The following MINAR1 variants were observed in gnomAD, a reference collection of about 807,000 sequenced individuals.
MINAR1 encodes membrane integral NOTCH2 associated receptor 1, also known as major intrinsically disordered Notch2-binding receptor 1.
MINAR1 carries 40 observed loss-of-function variants against 65.1 expected under a neutral mutation model. That is an observed-to-expected ratio of 0.61 (90% CI 0.48 to 0.80). The LOEUF (loss-of-function observed/expected upper bound fraction) is 0.80, where lower values mean the gene tolerates loss of function less well. MINAR1 is among the 30% of genes least tolerant of loss of function. MINAR1 has a pLI of 0.00. For synonymous variants in MINAR1, 482 were observed against 449.1 expected (o/e 1.07, Z -0.93); for missense variants, 1,128 against 1,148.0 (o/e 0.98, Z 0.25).
At chr15:79,466,275 T>C (rs1203762639) in intron 3 of MINAR1, among the ~76,000 whole-genome samples, 1 of 152,160 alleles carries the variant, frequency 6.6e-6, no homozygotes, top group Non-Finnish European at 1.5e-5. Flanking sequence ...CCCTTCTCTT[T>C]CCATTGTAGT....
chr15:79,422,902 G>A, the MINAR1 span: 81 of 152,284 alleles, frequency 5.3e-4, no homozygotes, highest in African/African-American at 1.8e-3. Flanking sequence ...TAACCTCAAG[G>A]GAAGGTAAAA....
At chr15:79,441,586 T>C (rs1414324700) in intron 1 of MINAR1, among the ~76,000 whole-genome samples, 1 of 152,150 alleles carries the variant, frequency 6.6e-6, no homozygotes, top group African/African-American at 2.4e-5. Flanking sequence ...TACTTAGAAG[T>C]GTGGATTTGC....
chr15:79,467,886 T>G (rs1170465670), intron 3 of MINAR1, among the ~76,000 whole-genome samples: 1 of 152,182 alleles, frequency 6.6e-6, no homozygotes, highest in Non-Finnish European at 1.5e-5. Context: ...CCTTGAAGTT[T>G]GGAGTCTTGC....
At chr15:79,421,241 G>A in the MINAR1 span, 1 of 152,152 alleles carries the variant, frequency 6.6e-6, no homozygotes, top group South Asian at 2.1e-4. Context: ...GAAAGTTTCT[G>A]AATACTTACC....
Position 79,456,961 on chromosome 15 carries a change from C to T in MINAR1, c.814C>T (p.Pro272Ser), listed in dbSNP as rs745398118. Residue 272 changes from proline (P) to serine (S), a missense_variant, in exon 2 of 4, where the codon CCC (proline) becomes TCC (serine). Physicochemically the swap from Pro to Ser is moderately conservative, Grantham distance 74. Transcript: ENST00000305428. ...EDFHNLMAVS[P>S]SLVGPISKAE... ...TTTTCACAATTTGATGGCAGTGTCC[C>T]CCAGTTTGGTTGGCCCCATCAGCAA... 5 of 1,614,078 alleles carry T rather than the reference C, an allele frequency of 3.1e-6. No homozygotes were observed. The highest frequency in any genetic ancestry group is 3.4e-6 in the Non-Finnish European group (4 of 1,180,014).
Position 79,433,805 on chromosome 15 carries a change from C to A in MINAR1, c.-51+1265C>A, listed in dbSNP as rs563400204. On this transcript the variant is annotated intron_variant, in intron 1 of 3. Transcript: ENST00000305428. ...GGCCCGCCCTGCAGGTGGAAGCTAG[C>A]TCACTGCTGTGGCCACAGGATGTCT... Among the ~76,000 whole-genome samples, 273 of 152,326 alleles carry A rather than the reference C, an allele frequency of 1.8e-3. 3 individuals are homozygous for A. The highest frequency in any genetic ancestry group is 6.4e-3 in the African/African-American group (268 of 41,566).
upstream of MINAR1, among the ~76,000 whole-genome samples, chr15:79,431,708 T>C (rs1256869131): frequency 6.6e-6 from 1 of 152,200 alleles, no homozygotes; most frequent in Non-Finnish European, 1.5e-5. Flanking sequence ...TCTTCGCCCC[T>C]GCTTGCCACT....
In MINAR1 at chr15:79,471,536, AT is replaced by A. The variant is rs1391312093; in HGVS notation, c.*3156del. On this transcript the variant is annotated 3_prime_UTR_variant, in exon 4 of 4. Coordinates refer to ENST00000305428, the MANE Select transcript of MINAR1 (RefSeq NM_015206.3). ...TACTAGCTGATCATAAATTGTTAGT[AT>A]TTTAAGGTATGCAACTATGTGATTG... 6.6e-6 allele frequency: 1 copy of A among 152,616 alleles called. No individual in the cohort carries two copies. Among genetic ancestry groups the A allele is most frequent in the East Asian group, 1.9e-4 (1 of 5,202 alleles). The allele number at this position is 152,616 out of a possible 1,614,324, so 9.5% of individuals were successfully genotyped here. A position where few individuals can be genotyped will look rare whatever the true frequency, so the allele number is the denominator to read the frequency against.
chr15:79,442,949 G>A (rs1595935667), intron 1 of MINAR1, among the ~76,000 whole-genome samples: 1 of 152,084 alleles, frequency 6.6e-6, no homozygotes, highest in African/African-American at 2.4e-5. Context: ...AGTCCCACCT[G>A]CCACTTGTTT....
At chr15:79,415,916 C>G in the MINAR1 span, 1 of 152,178 alleles carries the variant, frequency 6.6e-6, no homozygotes, top group Non-Finnish European at 1.5e-5. Flanking sequence ...TTTAGTAAGG[C>G]AATACTTTTA....
chr15:79,458,660 A>G (rs1377845169), intron 2 of MINAR1, among the ~76,000 whole-genome samples: 5 of 152,208 alleles, frequency 3.3e-5, no homozygotes, highest in Non-Finnish European at 5.9e-5. Flanking sequence ...GGAGGAGCAC[A>G]TGCTGCGATA....
At position 79,468,187 on chromosome 15, in the gene MINAR1, A is replaced by ACCAAGATT; in HGVS notation, c.2555_2556insCAAGATTC (p.Gln853LysfsTer7). On this transcript the variant is annotated frameshift_variant and splice_region_variant, in exon 4 of 4. Transcript: ENST00000305428. LOFTEE classifies it high-confidence loss of function. ...TCTAACATCTTCTCTTCGCTTTTAGACGCAAGAATCTTTAAACCCAAATAA... is the reference window on the plus strand; with the variant it reads ...TCTAACATCTTCTCTTCGCTTTTAGACCAAGATTCGCAAGAATCTTTAAACCCAAATAA... The ACCAAGATT allele has an allele frequency of 6.2e-7, 1 of 1,612,432 alleles. No individual in the cohort carries two copies. The highest frequency in any genetic ancestry group is 8.5e-7 in the Non-Finnish European group (1 of 1,178,678).
Position 79,457,959 on chromosome 15 carries a change from C to A in MINAR1, c.1812C>A (p.Gly604=), listed in dbSNP as rs186514185. Residue 604 remains glycine (G), a synonymous_variant, in exon 2 of 4, where the codon GGC becomes GGA. Coordinates refer to ENST00000305428, the MANE Select transcript of MINAR1 (RefSeq NM_015206.3). Reference sequence around the variant, plus strand: ...TGTGCAAACTGGTGCTCAGGATTGGCGAAATTGAACGGAAGCTGGAATCCC... The same window carrying A: ...TGTGCAAACTGGTGCTCAGGATTGGAGAAATTGAACGGAAGCTGGAATCCC... ...TSVCKLVLRI[G]EIERKLESLS... is the part of the protein sequence containing the mutation. 1.2e-6 allele frequency: 2 copies of A among 1,614,044 alleles called. No homozygotes were observed. Among genetic ancestry groups the A allele is most frequent in the South Asian group, 1.1e-5 (1 of 91,054 alleles).
Position 79,456,167 on chromosome 15 carries a change from C to A in MINAR1, c.20C>A (p.Thr7Asn), listed in dbSNP as rs1895402747. The A allele has an allele frequency of 6.2e-7, 1 of 1,613,334 alleles. No individual in the cohort carries two copies. Among genetic ancestry groups the A allele is most frequent in the South Asian group, 1.1e-5 (1 of 91,064 alleles). METSQE[T>N]SLFLVKILEE... ...TAAATCATGGAGACCAGTCAGGAAA[C>A]TTCCCTCTTCTTGGTGAAGATCTTG... The change falls in exon 2 of 4, where the codon ACT becomes AAT. Residue 7 changes from threonine (T) to asparagine (N), a missense_variant. Physicochemically the swap from Thr to Asn is moderately conservative, Grantham distance 65. Transcript: ENST00000305428.
intron 1 of MINAR1, among the ~76,000 whole-genome samples, chr15:79,453,929 G>A (rs918556043): frequency 1.3e-5 from 2 of 152,176 alleles, no homozygotes; most frequent in African/African-American, 4.8e-5. Flanking sequence ...ACACACATGG[G>A]ATTAGCTTGG....
At chr15:79,417,309 C>G in the MINAR1 span, 2 of 152,208 alleles carry the variant, frequency 1.3e-5, no homozygotes, top group African/African-American at 4.8e-5. Context: ...CAGATAGTTC[C>G]AGGCATCACT....
chr15:79,425,629 G>T, the MINAR1 span: 1 of 152,122 alleles, frequency 6.6e-6, no homozygotes, highest in African/African-American at 2.4e-5. Context: ...GATGACTGGG[G>T]ACTCTTCCCC....
At position 79,457,983 on chromosome 15, in the gene MINAR1, C is replaced by T. The variant is rs1447319406; in HGVS notation, c.1836C>T (p.Ser612=). 5.6e-6 allele frequency: 9 copies of T among 1,613,958 alleles called. No individual in the cohort carries two copies. The highest frequency in any genetic ancestry group is 2.7e-5 in the African/African-American group (2 of 74,896). ...RIGEIERKLE[S]LSGVRDEISQ... is the part of the protein sequence containing the mutation. The stretch of plus-strand genomic sequence containing the variant: ...GCGAAATTGAACGGAAGCTGGAATC[C>T]CTGTCGGGTGTCCGTGATGAAATCT... The change falls in exon 2 of 4, where the codon TCC becomes TCT. Residue 612 remains serine, a synonymous_variant. Coordinates refer to ENST00000305428, the MANE Select transcript of MINAR1 (RefSeq NM_015206.3).
intron 3 of MINAR1, among the ~76,000 whole-genome samples, 165 bp downstream of exon 3, chr15:79,463,486 A>G (rs1895727710): frequency 6.6e-6 from 1 of 152,224 alleles, no homozygotes; most frequent in Non-Finnish European, 1.5e-5. Context: ...AGAGCAGAAG[A>G]GACTTTTAAC....
Sources: gnomAD v4.1 joint callset for allele counts (sites outside exome capture counted in the v4.1 genomes callset) on GRCh38, gnomAD v4.1.1 for gene constraint, MANE v1.5 for transcripts, NCBI Gene and HGNC (gene_info 2026-07-23, HGNC 2026-07-21) for gene names.